Variants in FSTL5 observed in about 807,000 individuals in gnomAD.
FSTL5 encodes the protein follistatin like 5, also known as follistatin-related protein 5.
In FSTL5, 62 loss-of-function variants were observed where a neutral mutation model predicts 89.1. The observed-to-expected ratio is 0.70, with a 90% confidence interval of 0.57 to 0.86. FSTL5 has a LOEUF of 0.86. Ranked by LOEUF, FSTL5 falls within the 40% of genes least tolerant of loss-of-function variation. The pLI is 0.00. For synonymous variants in FSTL5, 383 were observed against 346.2 expected, an observed-to-expected ratio of 1.11 and a Z score of -1.18; for missense variants, 1,057 against 1,001.6, an observed-to-expected ratio of 1.06 and a Z score of -0.75.
intron 4 of FSTL5, among the ~76,000 whole-genome samples, chr4:161,793,874 G>T (rs1363004114): frequency 6.6e-6 from 1 of 152,116 alleles, no homozygotes; most frequent in South Asian, 2.1e-4. Context: ...TTCCCAAAGT[G>T]CTGGGATTAC....
intron 4 of FSTL5, among the ~76,000 whole-genome samples, chr4:161,912,937 T>C (rs1342794570): frequency 6.6e-6 from 1 of 152,172 alleles, no homozygotes; most frequent in African/African-American, 2.4e-5. Flanking sequence ...TTTTATGTTT[T>C]AGCAAAGAGA....
At chr4:161,802,952 A>G (rs1729844342) in intron 4 of FSTL5, among the ~76,000 whole-genome samples, 3 of 152,088 alleles carry the variant, frequency 2.0e-5, no homozygotes, top group African/African-American at 7.2e-5. Flanking sequence ...ACAAGAAACT[A>G]CAGAAATAAT....
At chr4:161,393,392 A>C (rs1038198696) in intron 15 of FSTL5, among the ~76,000 whole-genome samples, 3 of 151,684 alleles carry the variant, frequency 2.0e-5, no homozygotes, top group African/African-American at 4.8e-5. Flanking sequence ...AATGGAGAGA[A>C]AATAAATGGT....
At chr4:162,058,892 TTTCAA>T (rs1459309531) in intron 2 of FSTL5, among the ~76,000 whole-genome samples, 16 of 152,188 alleles carry the variant, frequency 1.1e-4, no homozygotes, top group Non-Finnish European at 1.9e-4. Flanking sequence ...AACTAAAGAC[TTTCAA>T]TTATATAATT....
intron 6 of FSTL5, among the ~76,000 whole-genome samples, chr4:161,746,232 C>T (rs1740199547): frequency 6.6e-6 from 1 of 151,944 alleles, no homozygotes; most frequent in Admixed American, 6.6e-5. Flanking sequence ...AGGATTATTA[C>T]TAACTTTGAA....
chr4:161,803,934 ATCT>A (rs930167344), intron 4 of FSTL5, among the ~76,000 whole-genome samples: 11 of 152,002 alleles, frequency 7.2e-5, no homozygotes, highest in African/African-American at 1.7e-4. Flanking sequence ...TTAAGATTAG[ATCT>A]TCTCCTAAGC....
intron 4 of FSTL5, among the ~76,000 whole-genome samples, chr4:161,836,370 G>T (rs952896861): frequency 6.6e-6 from 1 of 150,986 alleles, no homozygotes; most frequent in Non-Finnish European, 1.5e-5. Flanking sequence ...CGAGTTAATG[G>T]GTGCAGCACA....
chr4:161,898,115 TTAA>T (rs1219944290), intron 4 of FSTL5, among the ~76,000 whole-genome samples: 2 of 148,220 alleles, frequency 1.3e-5, no homozygotes, highest in African/African-American at 4.9e-5. Flanking sequence ...TATGAATATA[TTAA>T]TATTATAAAC....
intron 3 of FSTL5, among the ~76,000 whole-genome samples, chr4:161,943,846 C>T (rs1008834865): frequency 2.8e-4 from 42 of 152,120 alleles, no homozygotes; most frequent in Middle Eastern, 6.8e-3. Flanking sequence ...TGAGCCACTG[C>T]GCCTGGCCCA....
At chr4:161,511,095 G>T (rs1730637499) in intron 10 of FSTL5, among the ~76,000 whole-genome samples, 1 of 152,080 alleles carries the variant, frequency 6.6e-6, no homozygotes. Flanking sequence ...AAAAAATCCA[G>T]TTGAAACTAT....
At chr4:161,595,813 T>C (rs938046170) in intron 7 of FSTL5, among the ~76,000 whole-genome samples, 1 of 152,052 alleles carries the variant, frequency 6.6e-6, no homozygotes, top group African/African-American at 2.4e-5. Flanking sequence ...TCATCTGTTA[T>C]AAAATGGTAA....
intron 8 of FSTL5, among the ~76,000 whole-genome samples, chr4:161,557,560 T>C (rs1732434352): frequency 1.3e-5 from 2 of 151,762 alleles, no homozygotes; most frequent in Non-Finnish European, 2.9e-5. Context: ...TTTAAATGCA[T>C]GTGATTTTTA....
At chr4:161,779,769 A>AGT (rs1741560742) in intron 4 of FSTL5, among the ~76,000 whole-genome samples, 2 of 25,100 alleles carry the variant, frequency 8.0e-5, no homozygotes, top group African/African-American at 3.4e-4. Context: ...TTATATATAT[A>AGT]TATATGTATA....
At chr4:161,868,238 C>T (rs963343688) in intron 4 of FSTL5, among the ~76,000 whole-genome samples, 113 of 152,220 alleles carry the variant, frequency 7.4e-4, no homozygotes, top group African/African-American at 2.6e-3. Context: ...TCACTCTATT[C>T]GTCATCTACA....
chr4:161,610,665 G>A (rs1344245173), intron 7 of FSTL5, among the ~76,000 whole-genome samples: 1 of 152,114 alleles, frequency 6.6e-6, no homozygotes, highest in Non-Finnish European at 1.5e-5. Context: ...CAAATGGAGA[G>A]ATGTTGAAAT....
At chr4:162,048,620 C>T (rs1214122099) in intron 2 of FSTL5, among the ~76,000 whole-genome samples, 3 of 151,632 alleles carry the variant, frequency 2.0e-5, no homozygotes, top group Non-Finnish European at 4.4e-5. Context: ...CACACACACA[C>T]ACACACGAAT....
At chr4:161,672,955 G>T (rs890860546) in intron 6 of FSTL5, among the ~76,000 whole-genome samples, 1 of 151,850 alleles carries the variant, frequency 6.6e-6, no homozygotes, top group African/African-American at 2.4e-5. Flanking sequence ...CCTTGAAACT[G>T]CAGGTCTTTA....
rs1736572281 is a variant in FSTL5, at chr4:162,004,914, C to T, written c.160+28711G>A. On this transcript the variant is annotated intron_variant, in intron 3 of 15. Coordinates refer to ENST00000306100, the MANE Select transcript of FSTL5 (RefSeq NM_020116.5). Reference sequence around the variant, plus strand: ...AACTGTCCCCATGATTTTGTTCCTGCCCCATCCAATTCACACACTAAGGGA... The same window carrying T: ...AACTGTCCCCATGATTTTGTTCCTGTCCCATCCAATTCACACACTAAGGGA... Among the ~76,000 whole-genome samples the T allele has an allele frequency of 2.0e-5, 3 of 152,246 alleles. No individual in the cohort carries two copies. The South Asian group carries it at 6.2e-4, about 32-fold the overall frequency.
rs1578941077 is a variant in FSTL5, at chr4:161,395,659, G to A, written c.1842-9210C>T. On this transcript the variant is annotated intron_variant, in intron 15 of 15. Transcript: ENST00000306100. ...TAAAAGACAGCCAATAGGTTTTGAG[G>A]AGAAAAACTGTGGGAGATTTTTTTC... Among the ~76,000 whole-genome samples, 6 of 152,054 alleles carry A rather than the reference G, an allele frequency of 3.9e-5. No homozygotes were observed. The East Asian group carries it at 7.7e-4, about 20-fold the overall frequency.
Sources: allele counts gnomAD v4.1 joint callset (sites outside exome capture counted in the v4.1 genomes callset), GRCh38; gene constraint gnomAD v4.1.1; transcripts MANE v1.5; gene names NCBI Gene and HGNC (gene_info 2026-07-23, HGNC 2026-07-21).